The following A2M variants were observed in gnomAD, a reference collection of about 807,000 sequenced individuals.
A2M encodes the protein C3 and PZP-like alpha-2-macroglobulin domain-containing protein 5.
A neutral mutation model predicts 183.9 loss-of-function variants in A2M; 128 were observed. The ratio of observed to expected loss-of-function variants is 0.70; its 90% confidence interval spans 0.60 to 0.81. The LOEUF (loss-of-function observed/expected upper bound fraction) is 0.81, where lower values mean the gene tolerates loss of function less well. Among genes scored for constraint, A2M ranks in the 30% least tolerant of loss-of-function variants. The probability of loss-of-function intolerance (pLI) is 0.00; values close to 1 mark genes in which losing one functional copy is unlikely to be tolerated. For missense variants in A2M, 1,495 were observed against 1,787.6 expected, an observed-to-expected ratio of 0.84 and a Z score of 2.95; for synonymous variants, 592 against 670.8, an observed-to-expected ratio of 0.88 and a Z score of 1.81.
At chr12:9,097,629 ATTC>A (rs1949421329) in intron 15 of A2M, among the ~76,000 whole-genome samples, 1 of 122,752 alleles carries the variant, frequency 8.1e-6, no homozygotes, top group African/African-American at 3.2e-5. Flanking sequence ...AACTGATGTA[ATTC>A]TTTTTTTTTT....
intron 19 of A2M, 77 bp downstream of exon 19, chr12:9,091,124 T>C: frequency 1.3e-6 from 2 of 1,488,316 alleles, no homozygotes; most frequent in Non-Finnish European, 9.3e-7. Context: ...ATACAAGAGT[T>C]TGCAGTATTC....
chr12:9,071,351 T>G (rs1948571955), intron 31 of A2M, among the ~76,000 whole-genome samples: 1 of 152,184 alleles, frequency 6.6e-6, no homozygotes, highest in South Asian at 2.1e-4. Flanking sequence ...CCTAGCGTCT[T>G]GTCCCCGAGA....
rs1300346393 is a variant in A2M, at chr12:9,109,394, A to G, written c.685T>C (p.Phe229Leu). 6 of 1,612,474 alleles carry G rather than the reference A, an allele frequency of 3.7e-6. No homozygotes were observed. The highest frequency in any genetic ancestry group is 2.2e-5 in the East Asian group (1 of 44,842). ...FTVEEFVLPK[F>L]EVQVTVPKII... ...TTTGGCACTGTTACTTGTACTTCAA[A>G]CTTGGGAAGAACTGTTGATTGGTGA... The change falls in exon 7 of 36, where the codon TTT becomes CTT. Residue 229 changes from phenylalanine to leucine, a missense_variant. Phe to Leu is a conservative substitution (Grantham distance 22). Coordinates refer to ENST00000318602, the MANE Select transcript of A2M (RefSeq NM_000014.6).
At chr12:9,110,433 G>A in intron 4 of A2M, 99 bp from the exon 5 acceptor site, 4 of 645,218 alleles carry the variant, frequency 6.2e-6, no homozygotes, top group Non-Finnish European at 1.0e-5. Flanking sequence ...ATAACAGGGT[G>A]AGTATAGTAA....
chr12:9,085,300 C>T (rs183318452), intron 22 of A2M, among the ~76,000 whole-genome samples: 1 of 152,080 alleles, frequency 6.6e-6, no homozygotes, highest in Non-Finnish European at 1.5e-5. Flanking sequence ...ATCGTTTCAT[C>T]GTATCAAGTA....
At chr12:9,085,862 C>A (rs947682468) in intron 22 of A2M, among the ~76,000 whole-genome samples, 33 of 151,916 alleles carry the variant, frequency 2.2e-4, no homozygotes, top group African/African-American at 7.7e-4. Flanking sequence ...GACTATTATG[C>A]ATAAGTATAC....
intron 22 of A2M, among the ~76,000 whole-genome samples, chr12:9,086,392 C>T (rs1003785136): frequency 6.6e-5 from 10 of 152,150 alleles, no homozygotes; most frequent in African/African-American, 9.6e-5. Context: ...ACCAACCACA[C>T]GAAATAAACT....
chr12:9,080,342 T>C (rs1948874134), intron 22 of A2M, 165 bp from the exon 23 acceptor site: 2 of 402,826 alleles, frequency 5.0e-6, no homozygotes, highest in Non-Finnish European at 8.9e-6. Context: ...AAAAATGGGC[T>C]ACTGGTTTCC....
chr12:9,075,001 T>G (rs981387116), intron 28 of A2M, among the ~76,000 whole-genome samples: 4 of 152,232 alleles, frequency 2.6e-5, no homozygotes, highest in Non-Finnish European at 4.4e-5. Flanking sequence ...TGCCTATCTA[T>G]GTTTTCAAAT....
rs762272765 is a variant in A2M, at chr12:9,112,170, G to T, written c.472C>A (p.Leu158Met). 1.2e-6 allele frequency: 2 copies of T among 1,613,588 alleles called. No individual in the cohort carries two copies. Among genetic ancestry groups the T allele is most frequent in the African/African-American group, 1.3e-5 (1 of 74,898 alleles). The change falls in exon 4 of 36, where the codon CTG (leucine) becomes ATG (methionine). Residue 158 changes from leucine (L) to methionine (M), a missense_variant. Physicochemically the swap from Leu to Met is conservative, Grantham distance 15. Coordinates refer to ENST00000318602, the MANE Select transcript of A2M (RefSeq NM_000014.6). Reference protein sequence around the residue: ...VVSMDENFHPLNELIPLVYIQ... With the variant: ...VVSMDENFHPMNELIPLVYIQ... ...AATAGAAAACTCACCAACTCATTCA[G>T]GGGGTGAAAGTTTTCATCCATGGAG...
chr12:9,075,163 T>C (rs1948705252), intron 28 of A2M, among the ~76,000 whole-genome samples: 1 of 152,050 alleles, frequency 6.6e-6, no homozygotes, highest in Admixed American at 6.5e-5. Context: ...CTTGTGAGGA[T>C]CACAGATCAC....
intron 6 of A2M, among the ~76,000 whole-genome samples, 199 bp downstream of exon 6, chr12:9,109,668 G>A (rs943182254): frequency 6.6e-6 from 1 of 152,152 alleles, no homozygotes; most frequent in Non-Finnish European, 1.5e-5. Context: ...ATTAAATATT[G>A]CTACAGAAAA....
intron 14 of A2M, 74 bp from the exon 15 acceptor site, chr12:9,098,830 T>A: frequency 3.3e-6 from 5 of 1,525,286 alleles, no homozygotes; most frequent in Non-Finnish European, 4.5e-6. Flanking sequence ...ATTTGCAGAG[T>A]GTTCCTCATG....
chr12:9,091,482 T>C (rs1949214205), intron 18 of A2M, 53 bp from the exon 19 acceptor site: 3 of 1,568,780 alleles, frequency 1.9e-6, no homozygotes, highest in East Asian at 2.2e-5. Context: ...ATACATCCTT[T>C]CTAGGGAGAG....
In A2M at chr12:9,098,712, G is replaced by A. The variant is rs754296966; in HGVS notation, c.1746C>T (p.His582=). 6.2e-6 allele frequency: 10 copies of A among 1,612,750 alleles called. No individual in the cohort carries two copies. The highest frequency in any genetic ancestry group is 2.7e-5 in the African/African-American group (2 of 75,022). The change falls in exon 15 of 36, where the codon CAC becomes CAT. Residue 582 remains histidine (H), a synonymous_variant. Transcript: ENST00000318602. ...FSPSQSLPAS[H]AHLRVTAAPQ... ...GAGCCGCTGTGACTCGCAGGTGGGCGTGTGAGGCTGGGAGACTTTGTGATG... is the reference window on the plus strand; with the variant it reads ...GAGCCGCTGTGACTCGCAGGTGGGCATGTGAGGCTGGGAGACTTTGTGATG...
intron 11 of A2M, among the ~76,000 whole-genome samples, chr12:9,103,454 A>C (rs1186289881): frequency 6.6e-6 from 1 of 152,172 alleles, no homozygotes; most frequent in African/African-American, 2.4e-5. Context: ...TACCATCTTC[A>C]TTATTCTTTA....
chr12:9,093,415 T>G (rs1288525133), intron 18 of A2M, 50 bp downstream of exon 18: 1 of 1,275,446 alleles, frequency 7.8e-7, no homozygotes, highest in Middle Eastern at 2.2e-4. Flanking sequence ...GAGTTGAAAA[T>G]AGTCAGGGAC....
In A2M at chr12:9,090,010, G is replaced by A; in HGVS notation, c.2610C>T (p.Phe870=). 1 of 1,590,400 alleles carries A rather than the reference G, an allele frequency of 6.3e-7. No homozygotes were observed. The highest frequency in any genetic ancestry group is 8.6e-7 in the Non-Finnish European group (1 of 1,162,462). ...VTPKSLGNVN[F]TVSAEALESQ... is the part of the protein sequence containing the mutation. Reference sequence around the variant, plus strand: ...ACTCTAGTGCCTCTGCGCTCACAGTGAAATTCACATTTCCTGAAAAAAAAG... The same window carrying A: ...ACTCTAGTGCCTCTGCGCTCACAGTAAAATTCACATTTCCTGAAAAAAAAG... Residue 870 remains phenylalanine (F), a synonymous_variant, in exon 21 of 36, where the codon TTC becomes TTT. Transcript: ENST00000318602.
chr12:9,089,198 A>C lies in A2M; in HGVS notation c.2770+2T>G. Reference sequence around the variant, plus strand: ...TTTTAAATTATGATGGTTGACTCTTACCTGATGGACAAAGTAGGGAGTTGA... The same window carrying C: ...TTTTAAATTATGATGGTTGACTCTTCCCTGATGGACAAAGTAGGGAGTTGA... On this transcript the variant is annotated splice_donor_variant, in intron 22 of 35. Coordinates refer to ENST00000318602, the MANE Select transcript of A2M (RefSeq NM_000014.6). LOFTEE classifies it high-confidence loss of function. 1 of 1,582,316 alleles carries C rather than the reference A, an allele frequency of 6.3e-7. No individual in the cohort carries two copies. The highest frequency in any genetic ancestry group is 8.6e-7 in the Non-Finnish European group (1 of 1,160,578).
Sources: allele counts gnomAD v4.1 joint callset (sites outside exome capture counted in the v4.1 genomes callset), GRCh38; gene constraint gnomAD v4.1.1; transcripts MANE v1.5; gene names NCBI Gene and HGNC (gene_info 2026-07-23, HGNC 2026-07-21).